Variants in VASH2 observed in about 807,000 individuals in gnomAD.
VASH2 encodes tubulinyl-Tyr carboxypeptidase 2.
A neutral mutation model predicts 37.2 loss-of-function variants in VASH2; 28 were observed. The observed-to-expected ratio is 0.75, with a 90% CI of 0.56 to 1.03. The LOEUF (loss-of-function observed/expected upper bound fraction) is 1.03, where lower values mean the gene tolerates loss of function less well. VASH2 is among the 50% of genes least tolerant of loss of function. The probability of loss-of-function intolerance (pLI) is 0.00; values close to 1 mark genes in which losing one functional copy is unlikely to be tolerated. For missense variants in VASH2, 419 were observed against 459.1 expected, an observed-to-expected ratio of 0.91 and a Z score of 0.80; for synonymous variants, 188 against 174.7, an observed-to-expected ratio of 1.08 and a Z score of -0.60.
rs1666278040 is a variant in VASH2 at position 212,950,764 on chromosome 1, G to C, written c.-205+24G>C. On this transcript the variant is annotated intron_variant, in intron 1 of 7. Transcript: ENST00000517399. The surrounding 1 kb of genome is among the most constrained non-coding windows in gnomAD (Gnocchi z 5.5). ...AGGTAGGATCTTGGAGCTGCCGCGC[G>C]CCCTTCCTGCGCGCCGCCCGCCTGC... 6.5e-6 allele frequency: 1 copy of C among 153,408 alleles called. No homozygotes were observed. The highest frequency in any genetic ancestry group is 2.4e-5 in the African/African-American group (1 of 41,424). 9.5% of individuals were successfully genotyped at this position (153,408 alleles called of 1,614,324 possible).
intron 5 of VASH2, among the ~76,000 whole-genome samples, chr1:212,970,751 A>G (rs1483539297): frequency 1.3e-5 from 2 of 152,008 alleles, no homozygotes; most frequent in East Asian, 1.9e-4. Flanking sequence ...TTAGCCAGGT[A>G]TGGTGGCGGG....
At chr1:212,983,801 T>A (rs1667402519) in intron 7 of VASH2, among the ~76,000 whole-genome samples, 1 of 152,126 alleles carries the variant, frequency 6.6e-6, no homozygotes, top group South Asian at 2.1e-4. Context: ...GGAGTGGCCA[T>A]GGTGTCCTTC....
rs780103208 is a variant in VASH2, at chr1:212,965,740, C to T, written c.384C>T (p.Thr128=). The T allele has an allele frequency of 5.8e-6, 9 of 1,552,168 alleles. No homozygotes were observed. In the East Asian group the frequency reaches 7.3e-5, roughly 13 times the overall value. ...MKTLQYNHTG[T]QFFEIRKMRP... The stretch of plus-strand genomic sequence containing the variant: ...TACACAGATATAATCACACAGGGAC[C>T]CAGTTCTTTGAAATTAGGAAAATGA... Residue 128 remains threonine (T), a synonymous_variant, in exon 4 of 8, where the codon ACC becomes ACT. Coordinates refer to ENST00000517399, the MANE Select transcript of VASH2 (RefSeq NM_001301056.2).
At chr1:212,970,608 G>A (rs1006736126) in intron 5 of VASH2, among the ~76,000 whole-genome samples, 3 of 151,786 alleles carry the variant, frequency 2.0e-5, no homozygotes, top group South Asian at 2.1e-4. Flanking sequence ...CCACCATTCC[G>A]GCCAGGCGCA....
At chr1:212,956,928 T>C (rs944348529) in intron 2 of VASH2, among the ~76,000 whole-genome samples, 1 of 152,164 alleles carries the variant, frequency 6.6e-6, no homozygotes, top group Non-Finnish European at 1.5e-5. Context: ...TGGCATTGAG[T>C]ACCTTCACAC....
At chr1:212,984,945 C>T (rs1176612468) in intron 7 of VASH2, among the ~76,000 whole-genome samples, 1 of 152,166 alleles carries the variant, frequency 6.6e-6, no homozygotes, top group African/African-American at 2.4e-5. Flanking sequence ...TAACCTTCCT[C>T]AGGTTGACTT....
intron 2 of VASH2, among the ~76,000 whole-genome samples, chr1:212,958,829 T>C (rs1406429175): frequency 1.3e-5 from 2 of 152,120 alleles, no homozygotes; most frequent in East Asian, 3.8e-4. Context: ...TCTTCCTACC[T>C]CAGCCTCCTG....
intron 7 of VASH2, among the ~76,000 whole-genome samples, chr1:212,975,177 A>T (rs1377830983): frequency 6.6e-6 from 1 of 152,220 alleles, no homozygotes; most frequent in Admixed American, 6.5e-5. Context: ...AGGTCCTCTG[A>T]TTCTGGGAGG....
At chr1:212,952,141 C>G (rs1341036799) in intron 2 of VASH2, among the ~76,000 whole-genome samples, 6 of 152,166 alleles carry the variant, frequency 3.9e-5, no homozygotes, top group African/African-American at 1.4e-4. Flanking sequence ...AAAGCTAGAG[C>G]CACCAGGTAC....
rs902202088 is a variant in VASH2, at chr1:212,963,652, C to T, written c.366-2070C>T. Among the ~76,000 whole-genome samples, 63 of 151,958 alleles carry T rather than the reference C, an allele frequency of 4.1e-4. 1 individual carries two copies. Among genetic ancestry groups the T allele is most frequent in the Admixed American group, 1.2e-3 (18 of 15,238 alleles). On this transcript the variant is annotated intron_variant, in intron 3 of 7. Coordinates refer to ENST00000517399, the MANE Select transcript of VASH2 (RefSeq NM_001301056.2). ...GGGAGAAGCCTTCTAACAGCAAATT[C>T]GGGCTCAGTGAGTATCTCCCACTCA...
intron 5 of VASH2, chr1:212,968,226 T>A: frequency 1.0e-6 from 1 of 985,426 alleles, no homozygotes; most frequent in Non-Finnish European, 1.2e-6. Context: ...ATTAGGAGGT[T>A]GTGCTTACTG....
At chr1:212,966,184 G>A (rs1297607649) in intron 4 of VASH2, 87 bp from the exon 5 acceptor site, 1 of 1,176,728 alleles carries the variant, frequency 8.5e-7, no homozygotes, top group East Asian at 2.6e-5. Context: ...TTCCTGGTGT[G>A]GGGACAGGCA....
At chr1:212,966,168 G>C in intron 4 of VASH2, 103 bp from the exon 5 acceptor site, 2 of 992,436 alleles carry the variant, frequency 2.0e-6, no homozygotes, top group Non-Finnish European at 1.6e-6. Flanking sequence ...CCGTGCTCCT[G>C]TGTGGTTCCT....
At chr1:212,965,633 AT>A in intron 3 of VASH2, 88 bp from the exon 4 acceptor site, 1 of 1,255,412 alleles carries the variant, frequency 8.0e-7, no homozygotes, top group South Asian at 1.4e-5. Context: ...TCCTCATCTC[AT>A]TGAGAAATCA....
chr1:212,954,381 A>C (rs1206688924), intron 2 of VASH2, among the ~76,000 whole-genome samples: 1 of 151,992 alleles, frequency 6.6e-6, no homozygotes, highest in African/African-American at 2.4e-5. Context: ...CCTGTACCTG[A>C]TTTTTCCATT....
At chr1:212,963,805 T>C (rs1666755061) in intron 3 of VASH2, among the ~76,000 whole-genome samples, 1 of 152,164 alleles carries the variant, frequency 6.6e-6, no homozygotes, top group African/African-American at 2.4e-5. Context: ...TCTCATTTGT[T>C]ACACTAGATG....
chr1:212,967,212 G>A, intron 5 of VASH2: 2 of 1,303,000 alleles, frequency 1.5e-6, no homozygotes, highest in Non-Finnish European at 2.0e-6. Flanking sequence ...ATGGTGCAGA[G>A]AAACTGTGAT....
At chr1:212,957,014 A>C (rs369972663) in intron 2 of VASH2, among the ~76,000 whole-genome samples, 13 of 152,228 alleles carry the variant, frequency 8.5e-5, no homozygotes, top group Middle Eastern at 3.4e-3. Flanking sequence ...TCCATTCCAC[A>C]CTAACTTTCC....
chr1:212,987,370 G>T (rs760443275), intron 7 of VASH2, among the ~76,000 whole-genome samples: 6 of 152,020 alleles, frequency 3.9e-5, no homozygotes, highest in Non-Finnish European at 8.8e-5. Context: ...GAGGTCAGGA[G>T]TTCGAGACCA....
Sources: gnomAD v4.1 joint callset for allele counts (sites outside exome capture counted in the v4.1 genomes callset) on GRCh38, gnomAD v4.1.1 for gene constraint, Gnocchi (gnomAD v3.1) non-coding constraint, MANE v1.5 for transcripts, NCBI Gene and HGNC (gene_info 2026-07-23, HGNC 2026-07-21) for gene names.